Variants in NCK2 observed in about 807,000 individuals in gnomAD.
NCK2 encodes NCK adaptor protein 2.
NCK2 carries 16 observed loss-of-function variants against 33.9 expected under a neutral mutation model. The ratio of observed to expected loss-of-function variants is 0.47; its 90% CI spans 0.32 to 0.72. NCK2 has a LOEUF of 0.72. Ranked by LOEUF, NCK2 falls within the 30% of genes least tolerant of loss-of-function variation. NCK2 has a pLI of 0.03. For synonymous variants in NCK2, 273 were observed against 239.9 expected, an observed-to-expected ratio of 1.14 and a Z score of -1.27; for missense variants, 418 against 537.3, an observed-to-expected ratio of 0.78 and a Z score of 2.19.
At chr2:105,808,155 C>T (rs1247180243) in intron 1 of NCK2, among the ~76,000 whole-genome samples, 1 of 152,178 alleles carries the variant, frequency 6.6e-6, no homozygotes, top group Non-Finnish European at 1.5e-5. Flanking sequence ...ACCTTGGCCT[C>T]CCAAAGTGCT....
chr2:105,822,573 TGTG>T (rs1165805328), intron 2 of NCK2, among the ~76,000 whole-genome samples: 3 of 152,124 alleles, frequency 2.0e-5, no homozygotes, highest in Admixed American at 2.0e-4. Context: ...TTCTCTTAGT[TGTG>T]GTGGTGATCA....
At chr2:105,843,592 G>A (rs188856300) in intron 2 of NCK2, among the ~76,000 whole-genome samples, 76 of 152,222 alleles carry the variant, frequency 5.0e-4, no homozygotes, top group Admixed American at 4.4e-3. Context: ...ACAAACGAAC[G>A]AACACTCGCA....
intron 1 of NCK2, among the ~76,000 whole-genome samples, chr2:105,759,776 T>A (rs1114475): frequency 6.6e-6 from 1 of 152,036 alleles, no homozygotes; most frequent in South Asian, 2.1e-4. Flanking sequence ...TAGACTCGCC[T>A]TGTTTTTAAT....
At chr2:105,795,875 C>CA (rs1170069264) in intron 1 of NCK2, among the ~76,000 whole-genome samples, 5 of 152,190 alleles carry the variant, frequency 3.3e-5, no homozygotes, top group Admixed American at 2.0e-4. Context: ...ACCCTCCCCC[C>CA]AGTCTTTTTC....
chr2:105,848,829 T>TA (rs1676948611), intron 2 of NCK2, among the ~76,000 whole-genome samples: 1 of 152,206 alleles, frequency 6.6e-6, no homozygotes, highest in South Asian at 2.1e-4. Context: ...AAAAAAGTCT[T>TA]AAGGAGCCAC....
intron 2 of NCK2, among the ~76,000 whole-genome samples, chr2:105,820,889 C>T (rs1289251042): frequency 1.3e-5 from 2 of 152,162 alleles, no homozygotes; most frequent in African/African-American, 2.4e-5. Flanking sequence ...TTTGAGTAAA[C>T]AGGACGGGAT....
chr2:105,819,326 T>TA (rs35497405), intron 2 of NCK2, among the ~76,000 whole-genome samples: 4,043 of 136,020 alleles, frequency 0.03, 82 homozygotes, highest in African/African-American at 0.061. Flanking sequence ...CCGTTTTCTT[T>TA]AAAAAAAAAA....
In NCK2 at chr2:105,812,188, G is replaced by T. The variant is rs116332019; in HGVS notation, c.-200-4242G>T. ...GAGTGAAAAATCTAATTGCAGTGAG[G>T]CTTTTTGAAGCTGCTTCAGCTGTTT... On this transcript the variant is annotated intron_variant, in intron 1 of 4. Transcript: ENST00000233154. Among the ~76,000 whole-genome samples the T allele has an allele frequency of 9.1e-3, 1,393 of 152,256 alleles. 22 individuals carry two copies. The highest frequency in any genetic ancestry group is 0.032 in the African/African-American group (1,325 of 41,536).
chr2:105,858,105 C>T (rs1301077222), intron 3 of NCK2, among the ~76,000 whole-genome samples: 1 of 149,928 alleles, frequency 6.7e-6, no homozygotes, highest in Non-Finnish European at 1.5e-5. Flanking sequence ...TCATGGCTTC[C>T]TATTACTGTT....
At chr2:105,826,205 A>T (rs1675935667) in intron 2 of NCK2, among the ~76,000 whole-genome samples, 1 of 152,182 alleles carries the variant, frequency 6.6e-6, no homozygotes, top group African/African-American at 2.4e-5. Flanking sequence ...TGGCAAGAAG[A>T]AGTTCTGAGC....
At chr2:105,879,086 A>G (rs1243802328) in intron 3 of NCK2, among the ~76,000 whole-genome samples, 1 of 152,182 alleles carries the variant, frequency 6.6e-6, no homozygotes, top group Non-Finnish European at 1.5e-5. Context: ...TTTTTTGCTG[A>G]TCTTTTCACC....
At chr2:105,816,971 T>A (rs1047689967) in intron 2 of NCK2, among the ~76,000 whole-genome samples, 5 of 152,080 alleles carry the variant, frequency 3.3e-5, no homozygotes, top group Non-Finnish European at 5.9e-5. Flanking sequence ...GTGCTTTCAG[T>A]CTAGGAAAAG....
chr2:105,770,345 A>G (rs1223963515), intron 1 of NCK2, among the ~76,000 whole-genome samples: 2 of 152,218 alleles, frequency 1.3e-5, no homozygotes, highest in Non-Finnish European at 2.9e-5. Context: ...TAGTGGCTCT[A>G]TCTAATGCTG....
At chr2:105,817,068 C>T (rs1675519925) in intron 2 of NCK2, among the ~76,000 whole-genome samples, 2 of 150,844 alleles carry the variant, frequency 1.3e-5, no homozygotes, top group African/African-American at 2.4e-5. Flanking sequence ...CTCAGCTATT[C>T]GGGAGGCTGA....
chr2:105,892,978 C>T lies in NCK2; in HGVS notation c.949-4C>T. 6.2e-7 allele frequency: 1 copy of T among 1,603,730 alleles called. No homozygotes were observed. The highest frequency in any genetic ancestry group is 8.5e-7 in the Non-Finnish European group (1 of 1,171,596). ...GCTGTAACTGTGTTCTGTTTCCTCC[C>T]CAGCCCAGCGACTTCTCCGTGTCCC... On this transcript the variant is annotated splice_polypyrimidine_tract_variant and splice_region_variant and intron_variant, in intron 4 of 4. Transcript: ENST00000233154.
At chr2:105,785,655 T>C (rs1690654116) in intron 1 of NCK2, among the ~76,000 whole-genome samples, 1 of 152,138 alleles carries the variant, frequency 6.6e-6, no homozygotes, top group Non-Finnish European at 1.5e-5. Flanking sequence ...CAACATCCGC[T>C]CAGGTGTTTG....
intron 1 of NCK2, among the ~76,000 whole-genome samples, chr2:105,807,432 A>C (rs1206005485): frequency 6.6e-6 from 1 of 152,220 alleles, no homozygotes; most frequent in African/African-American, 2.4e-5. Flanking sequence ...TAAAAAGTGC[A>C]AATTTTCCTT....
intron 2 of NCK2, among the ~76,000 whole-genome samples, chr2:105,835,479 G>A (rs187321928): frequency 3.3e-4 from 46 of 137,730 alleles, no homozygotes; most frequent in African/African-American, 1.2e-3. Flanking sequence ...TGGCCTGTAA[G>A]GTTTCTGCTG....
At chr2:105,821,831 C>T (rs1192985407) in intron 2 of NCK2, among the ~76,000 whole-genome samples, 1 of 150,112 alleles carries the variant, frequency 6.7e-6, no homozygotes, top group Non-Finnish European at 1.5e-5. Flanking sequence ...TGGAGAGTCC[C>T]CTTAACCTCT....
Sources: allele counts gnomAD v4.1 joint callset (sites outside exome capture counted in the v4.1 genomes callset), GRCh38; gene constraint gnomAD v4.1.1; transcripts MANE v1.5; gene names NCBI Gene and HGNC (gene_info 2026-07-23, HGNC 2026-07-21).